The following TESC variants were observed in gnomAD, a reference collection of about 807,000 sequenced individuals.
The protein encoded by TESC is tescalcin.
Under a neutral mutation model 31.0 loss-of-function variants are expected in TESC, and 19 were observed. The observed-to-expected ratio is 0.61, with a 90% CI of 0.43 to 0.90. TESC has a LOEUF of 0.90. Among genes scored for constraint, TESC ranks in the 40% least tolerant of loss-of-function variants. The probability of loss-of-function intolerance (pLI) is 0.00; values close to 1 mark genes in which losing one functional copy is unlikely to be tolerated. For synonymous variants in TESC, 109 were observed against 114.8 expected, an observed-to-expected ratio of 0.95 and a Z score of 0.32; for missense variants, 248 against 303.8, an observed-to-expected ratio of 0.82 and a Z score of 1.36.
At chr12:117,075,909 ATATATGTG>A (rs1565971609) in intron 1 of TESC, among the ~76,000 whole-genome samples, 22 of 61,236 alleles carry the variant, frequency 3.6e-4, no homozygotes, top group Non-Finnish European at 5.6e-4. Flanking sequence ...ATATATATAT[ATATATGTG>A]TGTGTGTATA....
At chr12:117,056,519 T>C (rs1954726739) in intron 3 of TESC, among the ~76,000 whole-genome samples, 1 of 152,156 alleles carries the variant, frequency 6.6e-6, no homozygotes, top group Non-Finnish European at 1.5e-5. Context: ...ACTATAGGTG[T>C]GCACCACCAT....
At chr12:117,097,300 C>G (rs1396674333) in intron 1 of TESC, among the ~76,000 whole-genome samples, 1 of 152,184 alleles carries the variant, frequency 6.6e-6, no homozygotes, top group Non-Finnish European at 1.5e-5. Context: ...GCCGCTGCAG[C>G]TACATCTAGG....
intron 6 of TESC, 57 bp from the exon 7 acceptor site, chr12:117,042,051 G>C: frequency 6.5e-7 from 1 of 1,540,830 alleles, no homozygotes; most frequent in Non-Finnish European, 8.8e-7. Flanking sequence ...CACAGCTTCC[G>C]CAGGGGGACG....
intron 3 of TESC, among the ~76,000 whole-genome samples, chr12:117,056,255 C>A (rs1954722872): frequency 6.6e-6 from 1 of 152,160 alleles, no homozygotes; most frequent in African/African-American, 2.4e-5. Flanking sequence ...CAGGGTTTCA[C>A]CATGTTGGCC....
chr12:117,075,901 A>G lies in TESC; in HGVS notation c.59-561T>C, dbSNP rs1459382819. On this transcript the variant is annotated intron_variant, in intron 1 of 7. Transcript: ENST00000335209. ...TATATATATATATATATATATATAT[A>G]TATATATATATATGTGTGTGTGTAT... Among the ~76,000 whole-genome samples the G allele has an allele frequency of 1.2e-3, 104 of 86,026 alleles. 1 individual carries two copies. Among genetic ancestry groups the G allele is most frequent in the Middle Eastern group, 4.9e-3 (1 of 204 alleles). 56.4% of individuals were successfully genotyped at this position (86,026 alleles called of 152,430 possible). A position where few individuals can be genotyped will look rare whatever the true frequency, so the allele number is the denominator to read the frequency against.
At chr12:117,044,966 A>C (rs1200182544) in intron 6 of TESC, among the ~76,000 whole-genome samples, 1 of 152,228 alleles carries the variant, frequency 6.6e-6, no homozygotes, top group East Asian at 1.9e-4. Context: ...GAAGTCCATT[A>C]AAGTGGGGAC....
chr12:117,091,110 G>A (rs147711686), intron 1 of TESC, among the ~76,000 whole-genome samples: 4 of 152,300 alleles, frequency 2.6e-5, no homozygotes, highest in East Asian at 1.9e-4. Flanking sequence ...CTAGTGCTCC[G>A]TGGCCACCAC....
intron 2 of TESC, among the ~76,000 whole-genome samples, chr12:117,071,065 C>T (rs530122199): frequency 1.3e-5 from 2 of 152,348 alleles, no homozygotes; most frequent in South Asian, 2.1e-4. Flanking sequence ...GCTGTTTCTA[C>T]GTGCCAAGAC....
chr12:117,065,953 A>C (rs1954872851), intron 2 of TESC, among the ~76,000 whole-genome samples: 1 of 152,020 alleles, frequency 6.6e-6, no homozygotes, highest in African/African-American at 2.4e-5. Context: ...ACAAAAGGAA[A>C]CCCAAGTCAT....
intron 2 of TESC, among the ~76,000 whole-genome samples, chr12:117,059,206 T>C (rs1408655373): frequency 6.6e-6 from 1 of 152,246 alleles, no homozygotes; most frequent in Non-Finnish European, 1.5e-5. Context: ...TCTACGCCGT[T>C]TGGGTTGGAA....
chr12:117,093,086 T>C (rs1392523654), intron 1 of TESC, among the ~76,000 whole-genome samples: 1 of 152,138 alleles, frequency 6.6e-6, no homozygotes, highest in Non-Finnish European at 1.5e-5. Flanking sequence ...CAGAACAGTG[T>C]GGAGCTGGCT....
In TESC at chr12:117,097,681, C is replaced by G. The variant is rs183156526; in HGVS notation, c.58+1544G>C. 2.0e-3 allele frequency among the ~76,000 whole-genome samples: 310 copies of G among 152,178 alleles called. 7 individuals carry two copies. The highest frequency in any genetic ancestry group is 0.019 in the Admixed American group (298 of 15,286). ...AGTAAGTAAAATATCCAACATAGTT[C>G]AAAATGAACATATAAAAACGTTTAC... On this transcript the variant is annotated intron_variant, in intron 1 of 7. Coordinates refer to ENST00000335209, the MANE Select transcript of TESC (RefSeq NM_017899.4).
intron 6 of TESC, among the ~76,000 whole-genome samples, chr12:117,044,116 T>C (rs574802286): frequency 6.6e-6 from 1 of 152,084 alleles, no homozygotes; most frequent in Non-Finnish European, 1.5e-5. Context: ...TTTTAAAAAT[T>C]AGCTGGGTGT....
intron 4 of TESC, among the ~76,000 whole-genome samples, 181 bp from the exon 5 acceptor site, chr12:117,047,019 C>T (rs555051507): frequency 1.6e-4 from 24 of 152,298 alleles, no homozygotes; most frequent in African/African-American, 5.1e-4. Context: ...ACCTTGGGCC[C>T]GTGACCTAAC....
chr12:117,049,368 G>A (rs544806935), intron 3 of TESC, among the ~76,000 whole-genome samples: 20 of 152,364 alleles, frequency 1.3e-4, no homozygotes, highest in Non-Finnish European at 2.8e-4. Flanking sequence ...TGCCCTCACG[G>A]AGCTCATCAT....
rs115026228 is a variant in TESC, at chr12:117,091,347, A to G, written c.58+7878T>C. Among the ~76,000 whole-genome samples, 101 of 152,312 alleles carry G rather than the reference A, an allele frequency of 6.6e-4. 1 individual carries two copies. Among genetic ancestry groups the G allele is most frequent in the African/African-American group, 2.3e-3 (95 of 41,570 alleles). Reference sequence around the variant, plus strand: ...CCTCAGCTCGAGATAACAGATCCTAAAGTGCTTTGCAAAGGGAAGAGCATC... The same window carrying G: ...CCTCAGCTCGAGATAACAGATCCTAGAGTGCTTTGCAAAGGGAAGAGCATC... On this transcript the variant is annotated intron_variant, in intron 1 of 7. Coordinates refer to ENST00000335209, the MANE Select transcript of TESC (RefSeq NM_017899.4).
At chr12:117,042,097 G>T in intron 6 of TESC, 103 bp from the exon 7 acceptor site, 1 of 1,184,100 alleles carries the variant, frequency 8.4e-7, no homozygotes. Context: ...ATACCCAAAT[G>T]TAAGTTGTTG....
Position 117,045,642 on chromosome 12 carries a change from G to A in TESC, c.519+917C>T, listed in dbSNP as rs560062141. Among the ~76,000 whole-genome samples the A allele has an allele frequency of 5.4e-3, 825 of 152,320 alleles. 8 individuals carry two copies. Among genetic ancestry groups the A allele is most frequent in the African/African-American group, 0.019 (791 of 41,566 alleles). The stretch of plus-strand genomic sequence containing the variant: ...CTGCCCCTGGGGGCAGGCCCAGGCC[G>A]GTGGCCTCATGTCCCTCAAGGACAG... On this transcript the variant is annotated intron_variant, in intron 6 of 7. Transcript: ENST00000335209.
intron 5 of TESC, 53 bp from the exon 6 acceptor site, chr12:117,046,719 G>T (rs564317707): frequency 6.4e-7 from 1 of 1,552,610 alleles, no homozygotes; most frequent in African/African-American, 1.4e-5. Flanking sequence ...TCAGGGTCGT[G>T]GGGGGCAGAG....
Sources: gnomAD v4.1 joint callset for allele counts (sites outside exome capture counted in the v4.1 genomes callset) on GRCh38, gnomAD v4.1.1 for gene constraint, MANE v1.5 for transcripts, NCBI Gene and HGNC (gene_info 2026-07-23, HGNC 2026-07-21) for gene names.